The following ANKS1B variants were observed in gnomAD, a reference collection of about 807,000 sequenced individuals.
ANKS1B encodes ankyrin repeat and sterile alpha motif domain containing 1B.
ANKS1B carries 36 observed loss-of-function variants against 148.3 expected under a neutral mutation model. The ratio of observed to expected loss-of-function variants is 0.24; its 90% CI spans 0.19 to 0.32. The LOEUF (loss-of-function observed/expected upper bound fraction) is 0.32, where lower values mean the gene tolerates loss of function less well. Ranked by LOEUF, ANKS1B falls within the 10% of genes least tolerant of loss-of-function variation. ANKS1B has a pLI of 1.00. For synonymous variants in ANKS1B, 542 were observed against 560.8 expected, an observed-to-expected ratio of 0.97 and a Z score of 0.47; for missense variants, 1,157 against 1,542.6, an observed-to-expected ratio of 0.75 and a Z score of 4.19.
intron 10 of ANKS1B, among the ~76,000 whole-genome samples, chr12:99,444,303 C>T (rs1378802268): frequency 1.3e-5 from 2 of 151,884 alleles, no homozygotes; most frequent in Admixed American, 6.6e-5. Flanking sequence ...TAGAAAAGCA[C>T]CCTAGTGAAT....
At chr12:99,184,554 T>C (rs1423593343) in intron 14 of ANKS1B, among the ~76,000 whole-genome samples, 3 of 152,244 alleles carry the variant, frequency 2.0e-5, no homozygotes, top group African/African-American at 4.8e-5. Context: ...TGTCTATCTA[T>C]AGATTATGGA....
chr12:98,863,143 C>T (rs1260546496), intron 17 of ANKS1B, among the ~76,000 whole-genome samples: 5 of 152,216 alleles, frequency 3.3e-5, no homozygotes, highest in Non-Finnish European at 7.3e-5. Context: ...CGGACACAAG[C>T]TATTCCAGTC....
intron 17 of ANKS1B, among the ~76,000 whole-genome samples, chr12:98,860,547 G>A (rs1241886826): frequency 1.3e-5 from 2 of 152,232 alleles, no homozygotes; most frequent in African/African-American, 4.8e-5. Flanking sequence ...AATGGAAGCA[G>A]AGAGCCACAC....
At chr12:99,705,294 G>C (rs1500661) in intron 8 of ANKS1B, among the ~76,000 whole-genome samples, 100,670 of 151,838 alleles carry the variant, frequency 0.66, 33,464 homozygotes, top group Non-Finnish European at 0.69. Flanking sequence ...GGTATGGTAA[G>C]ATAATGAAAA....
chr12:99,257,809 T>A (rs1176353414), intron 12 of ANKS1B, among the ~76,000 whole-genome samples: 1 of 152,190 alleles, frequency 6.6e-6, no homozygotes, highest in Non-Finnish European at 1.5e-5. Flanking sequence ...AACCTTGTGC[T>A]TCCCTGAGCT....
chr12:99,324,430 AGG>A (rs1439750735), intron 12 of ANKS1B, among the ~76,000 whole-genome samples: 1 of 152,146 alleles, frequency 6.6e-6, no homozygotes, highest in Non-Finnish European at 1.5e-5. Flanking sequence ...GAAGACATCT[AGG>A]GTCCTTTCCA....
intron 10 of ANKS1B, among the ~76,000 whole-genome samples, chr12:99,447,306 A>G (rs1031978934): frequency 1.3e-5 from 2 of 152,042 alleles, no homozygotes; most frequent in African/African-American, 4.8e-5. Flanking sequence ...ACTATATACA[A>G]AAACTAACTC....
At chr12:99,176,248 T>G (rs2078367289) in intron 14 of ANKS1B, among the ~76,000 whole-genome samples, 2 of 152,170 alleles carry the variant, frequency 1.3e-5, no homozygotes, top group African/African-American at 4.8e-5. Flanking sequence ...GGTTGGCTTT[T>G]TAAAATGTTT....
intron 14 of ANKS1B, among the ~76,000 whole-genome samples, chr12:99,239,416 T>A (rs1208258773): frequency 6.6e-6 from 1 of 152,156 alleles, no homozygotes; most frequent in Non-Finnish European, 1.5e-5. Flanking sequence ...TATGGGACTA[T>A]GTGAAAAGAC....
chr12:99,626,167 GT>G (rs1199822396), intron 9 of ANKS1B, among the ~76,000 whole-genome samples: 1 of 152,116 alleles, frequency 6.6e-6, no homozygotes, highest in African/African-American at 2.4e-5. Context: ...AAAACATATA[GT>G]TTTTAGTTTT....
intron 12 of ANKS1B, among the ~76,000 whole-genome samples, chr12:99,364,724 G>A (rs7980947): frequency 0.45 from 68,260 of 151,934 alleles, 17,552 homozygotes; most frequent in African/African-American, 0.71. Context: ...ACTGATGGTA[G>A]TTTTATATCA....
At position 99,074,724 on chromosome 12, in the gene ANKS1B, T is replaced by C. The variant is rs117378943; in HGVS notation, c.2625+10201A>G. 5.4e-3 allele frequency among the ~76,000 whole-genome samples: 816 copies of C among 152,288 alleles called. 3 individuals carry two copies. Among genetic ancestry groups the C allele is most frequent in the Non-Finnish European group, 8.8e-3 (596 of 68,026 alleles). On this transcript the variant is annotated intron_variant, in intron 16 of 26. Transcript: ENST00000683438. ...CATGCCTTATCCCTTTGTAAAACAT[T>C]TAAAAATAAAGGCACTCAGTTTGGA... is the stretch of plus-strand genomic sequence containing the variant.
At chr12:99,744,325 G>C (rs766846004) in intron 8 of ANKS1B, among the ~76,000 whole-genome samples, 1 of 152,096 alleles carries the variant, frequency 6.6e-6, no homozygotes, top group Non-Finnish European at 1.5e-5. Context: ...ATAGAATTTG[G>C]TGAGGCACAA....
At position 99,685,933 on chromosome 12, in the gene ANKS1B, A is replaced by G. The variant is rs148905821; in HGVS notation, c.1129-30723T>C. 2.3e-3 allele frequency among the ~76,000 whole-genome samples: 348 copies of G among 152,186 alleles called. 1 individual carries two copies. The highest frequency in any genetic ancestry group is 7.6e-3 in the African/African-American group (316 of 41,526). ...CTTACAAATGGGAGCTAAGCTATGAAGATACAAAGGCATAAGAATGATACA... is the reference window on the plus strand; with the variant it reads ...CTTACAAATGGGAGCTAAGCTATGAGGATACAAAGGCATAAGAATGATACA... On this transcript the variant is annotated intron_variant, in intron 8 of 26. Transcript: ENST00000683438.
intron 1 of ANKS1B, among the ~76,000 whole-genome samples, chr12:99,974,473 C>G (rs2095601137): frequency 6.6e-6 from 1 of 152,100 alleles, no homozygotes; most frequent in Non-Finnish European, 1.5e-5. Context: ...ATAAAAAATT[C>G]TAGAGACTAA....
chr12:99,693,906 G>A (rs564123104), intron 8 of ANKS1B, among the ~76,000 whole-genome samples: 3 of 149,386 alleles, frequency 2.0e-5, no homozygotes, highest in East Asian at 2.1e-4. Context: ...TCAGCCTCCC[G>A]AGTAGCTAGG....
At chr12:99,222,871 TC>T (rs1470233967) in intron 14 of ANKS1B, among the ~76,000 whole-genome samples, 1 of 152,198 alleles carries the variant, frequency 6.6e-6, no homozygotes, top group Admixed American at 6.5e-5. Context: ...CAGCACTTAC[TC>T]TTGGGACTTG....
At chr12:99,145,060 T>C (rs886977133) in intron 15 of ANKS1B, among the ~76,000 whole-genome samples, 1 of 152,068 alleles carries the variant, frequency 6.6e-6, no homozygotes. Flanking sequence ...TGTTATTTGT[T>C]TCAGGGGAAG....
intron 25 of ANKS1B, among the ~76,000 whole-genome samples, chr12:98,765,042 G>A (rs184011258): frequency 4.9e-4 from 74 of 152,276 alleles, no homozygotes; most frequent in East Asian, 3.5e-3. Context: ...AACATATGTC[G>A]TGAATCAAAA....
Sources: allele counts gnomAD v4.1 joint callset (sites outside exome capture counted in the v4.1 genomes callset), GRCh38; gene constraint gnomAD v4.1.1; transcripts MANE v1.5; gene names NCBI Gene and HGNC (gene_info 2026-07-23, HGNC 2026-07-21).